The following TMPRSS15 variants were observed in gnomAD, a reference collection of about 807,000 sequenced individuals.
TMPRSS15 encodes enteropeptidase.
In TMPRSS15, 128 loss-of-function variants were observed where a neutral mutation model predicts 125.3. That is an observed-to-expected ratio of 1.02 (90% CI 0.89 to 1.18). TMPRSS15 has a LOEUF of 1.18. Ranked by LOEUF, TMPRSS15 falls within the 50% of genes most tolerant of loss-of-function variation. The pLI, the probability that TMPRSS15 is intolerant of heterozygous loss-of-function variation, is 0.00. For missense variants in TMPRSS15, 1,283 were observed against 1,212.7 expected (o/e 1.06, Z -0.86); for synonymous variants, 446 against 423.2 (o/e 1.05, Z -0.66).
intron 14 of TMPRSS15, among the ~76,000 whole-genome samples, chr21:18,330,434 C>A (rs942613268): frequency 6.6e-6 from 1 of 152,178 alleles, no homozygotes; most frequent in Non-Finnish European, 1.5e-5. Context: ...AAAATTCTTT[C>A]ACACTTCTAA....
At chr21:18,299,420 G>C (rs963744542) in intron 18 of TMPRSS15, among the ~76,000 whole-genome samples, 6 of 152,110 alleles carry the variant, frequency 3.9e-5, no homozygotes, top group African/African-American at 1.4e-4. Context: ...TGCAGGTTTT[G>C]GTAGAAATCC....
At chr21:18,337,067 T>G (rs536154255) in intron 13 of TMPRSS15, among the ~76,000 whole-genome samples, 3 of 152,218 alleles carry the variant, frequency 2.0e-5, no homozygotes, top group Admixed American at 2.0e-4. Flanking sequence ...TTTTTCTTTC[T>G]TTTCCCCAGA....
At chr21:18,272,426 T>C (rs1458906313) in intron 24 of TMPRSS15, among the ~76,000 whole-genome samples, 1 of 152,104 alleles carries the variant, frequency 6.6e-6, no homozygotes, top group Non-Finnish European at 1.5e-5. Context: ...TATGAGTACT[T>C]CAAAAATATG....
rs187003159 is a variant in TMPRSS15, at chr21:18,392,005, C to T, written c.344+5874G>A. Among the ~76,000 whole-genome samples, 241 of 152,262 alleles carry T rather than the reference C, an allele frequency of 1.6e-3. 2 individuals are homozygous for T. The highest frequency in any genetic ancestry group is 0.014 in the Middle Eastern group (4 of 294). ...ATGGCTGGAGCTGGAGTGGCTGGGA[C>T]GCAGGGCACCAAGCCCCAAGGCTGT... On this transcript the variant is annotated intron_variant, in intron 3 of 24. Transcript: ENST00000284885.
At chr21:18,368,836 G>GTATTTCTAA (rs1368300358) in intron 6 of TMPRSS15, among the ~76,000 whole-genome samples, 1 of 152,126 alleles carries the variant, frequency 6.6e-6, no homozygotes, top group Non-Finnish European at 1.5e-5. Flanking sequence ...GAGTATTGAA[G>GTATTTCTAA]TATTTCTAAT....
At chr21:18,413,967 GCTTA>G (rs370920983) in intron 1 of TMPRSS15, among the ~76,000 whole-genome samples, 7 of 152,218 alleles carry the variant, frequency 4.6e-5, no homozygotes, top group African/African-American at 1.2e-4. Context: ...TTTACAAAGT[GCTTA>G]CTTGTTTATG....
chr21:18,472,629 G>A (rs1248916655), intron 1 of TMPRSS15, among the ~76,000 whole-genome samples: 1 of 151,680 alleles, frequency 6.6e-6, no homozygotes, highest in African/African-American at 2.4e-5. Flanking sequence ...ATTGGTACAG[G>A]TTCAAAGAAA....
intron 21 of TMPRSS15, among the ~76,000 whole-genome samples, chr21:18,285,739 T>G (rs767221184): frequency 5.9e-5 from 9 of 152,218 alleles, no homozygotes; most frequent in Non-Finnish European, 1.3e-4. Context: ...AAGGTGACTC[T>G]CATATAATGA....
intron 16 of TMPRSS15, among the ~76,000 whole-genome samples, chr21:18,318,668 T>C (rs1353321972): frequency 1.3e-5 from 2 of 152,180 alleles, no homozygotes; most frequent in African/African-American, 4.8e-5. Flanking sequence ...GATAAAATGA[T>C]TTAACACCGG....
intron 1 of TMPRSS15, among the ~76,000 whole-genome samples, chr21:18,401,150 C>T (rs2076091425): frequency 6.6e-6 from 1 of 152,146 alleles, no homozygotes; most frequent in Admixed American, 6.5e-5. Flanking sequence ...ATTAGTTCAG[C>T]CACTGTGCAA....
At chr21:18,279,644 T>C (rs559072760) in intron 22 of TMPRSS15, among the ~76,000 whole-genome samples, 66 of 152,018 alleles carry the variant, frequency 4.3e-4, no homozygotes, top group African/African-American at 1.5e-3. Flanking sequence ...CTCATTTCTC[T>C]TTTATAGTGT....
At chr21:18,378,490 A>G (rs1175799203) in intron 5 of TMPRSS15, among the ~76,000 whole-genome samples, 1 of 152,086 alleles carries the variant, frequency 6.6e-6, no homozygotes, top group African/African-American at 2.4e-5. Flanking sequence ...TATTACACCA[A>G]CAATTTTTAT....
At position 18,341,403 on chromosome 21, in the gene TMPRSS15, G is replaced by C. The variant is rs147834777; in HGVS notation, c.1564+10C>G. ...TTTAATAAGACAAAATACACATGAA[G>C]GTTACTTACTAGGAAGTTCTGGTGG... On this transcript the variant is annotated intron_variant, in intron 13 of 24. Coordinates refer to ENST00000284885, the MANE Select transcript of TMPRSS15 (RefSeq NM_002772.3). 1 of 1,614,034 alleles carries C rather than the reference G, an allele frequency of 6.2e-7. No homozygotes were observed. Among genetic ancestry groups the C allele is most frequent in the African/African-American group, 1.3e-5 (1 of 75,002 alleles).
In TMPRSS15 at chr21:18,269,989, T is replaced by C; in HGVS notation, c.3040A>G (p.Ile1014Val). The C allele has an allele frequency of 6.2e-7, 1 of 1,613,900 alleles. No individual in the cohort carries two copies. Among genetic ancestry groups the C allele is most frequent in the Non-Finnish European group, 8.5e-7 (1 of 1,179,866 alleles). ...ATGCGCTAATGTAGAAAACTTTGTATCCATTCGGTAAACCTTGAGACCCTG... is the reference window on the plus strand; with the variant it reads ...ATGCGCTAATGTAGAAAACTTTGTACCCATTCGGTAAACCTTGAGACCCTG... ...YARVSRFTEW[I>V]QSFLH is the part of the protein sequence containing the mutation. The change falls in exon 25 of 25, where the codon ATA becomes GTA. Residue 1014 changes from isoleucine to valine, a missense_variant. Ile to Val is a conservative substitution (Grantham distance 29, BLOSUM62 3). Coordinates refer to ENST00000284885, the MANE Select transcript of TMPRSS15 (RefSeq NM_002772.3).
intron 19 of TMPRSS15, among the ~76,000 whole-genome samples, chr21:18,296,775 C>T (rs1288463512): frequency 6.6e-6 from 1 of 152,144 alleles, no homozygotes; most frequent in Non-Finnish European, 1.5e-5. Context: ...TTTGCAGATG[C>T]TTTGCTTCAT....
chr21:18,289,369 G>A (rs372432351), intron 21 of TMPRSS15, among the ~76,000 whole-genome samples: 3 of 152,080 alleles, frequency 2.0e-5, no homozygotes, highest in Non-Finnish European at 2.9e-5. Flanking sequence ...AAAAGTAGCC[G>A]GGTGTGGTGG....
At chr21:18,289,444 G>A (rs8126615) in intron 21 of TMPRSS15, among the ~76,000 whole-genome samples, 121,914 of 151,778 alleles carry the variant, frequency 0.8, 49,211 homozygotes, top group Non-Finnish European at 0.83. Flanking sequence ...CCCGGGAGGC[G>A]GAGGTTGCAG....
intron 6 of TMPRSS15, among the ~76,000 whole-genome samples, 192 bp downstream of exon 6, chr21:18,372,001 A>C (rs1601405107): frequency 6.6e-6 from 1 of 152,008 alleles, no homozygotes; most frequent in Middle Eastern, 3.4e-3. Context: ...AAGTTTAGGA[A>C]AATATTAATA....
At chr21:18,304,265 G>A (rs1182388872) in intron 18 of TMPRSS15, among the ~76,000 whole-genome samples, 1 of 152,156 alleles carries the variant, frequency 6.6e-6, no homozygotes, top group Non-Finnish European at 1.5e-5. Context: ...TTTGATATGT[G>A]TGTGTGTGTG....
Sources: gnomAD v4.1 joint callset for allele counts (sites outside exome capture counted in the v4.1 genomes callset) on GRCh38, gnomAD v4.1.1 for gene constraint, MANE v1.5 for transcripts, NCBI Gene and HGNC (gene_info 2026-07-23, HGNC 2026-07-21) for gene names.